Variants in ENOX2 observed in about 807,000 individuals in gnomAD.
ENOX2 encodes ecto-NOX disulfide-thiol exchanger 2, also known as APK1 antigen.
A neutral mutation model predicts 45.0 loss-of-function variants in ENOX2; 36 were observed. The ratio of observed to expected loss-of-function variants is 0.80; its 90% confidence interval spans 0.61 to 1.06. The LOEUF (loss-of-function observed/expected upper bound fraction) is 1.06. ENOX2 is among the 50% of genes least tolerant of loss of function. The pLI is 0.00. For missense variants in ENOX2, 423 were observed against 462.5 expected (o/e 0.91, Z 0.78); for synonymous variants, 174 against 152.3 (o/e 1.14, Z -1.05).
intron 2 of ENOX2, among the ~76,000 whole-genome samples, chrX:130,796,539 G>A (rs1314186579): frequency 8.9e-6 from 1 of 112,015 alleles, no homozygotes; most frequent in Non-Finnish European, 1.9e-5. Context: ...AAGTATAATT[G>A]TCTAAGAGGC....
intron 4 of ENOX2, among the ~76,000 whole-genome samples, chrX:130,699,742 G>A (rs1348019963): frequency 1.8e-5 from 2 of 111,768 alleles, no homozygotes; most frequent in Non-Finnish European, 3.8e-5. Context: ...ATCTCCACCA[G>A]ATTTATAAGG....
intron 4 of ENOX2, among the ~76,000 whole-genome samples, chrX:130,691,417 C>A (rs770735396): frequency 9.0e-6 from 1 of 111,490 alleles, no homozygotes; most frequent in East Asian, 2.8e-4. Context: ...TCCTATATGT[C>A]AGGCTCTATG....
At chrX:130,639,119 A>T (rs1485528950) in intron 10 of ENOX2, among the ~76,000 whole-genome samples, 1 of 112,372 alleles carries the variant, frequency 8.9e-6, no homozygotes, top group Non-Finnish European at 1.9e-5. Flanking sequence ...AAATCTCCTC[A>T]TGTTTCTGGC....
At chrX:130,794,161 G>A (rs968931141) in intron 2 of ENOX2, among the ~76,000 whole-genome samples, 8 of 112,086 alleles carry the variant, frequency 7.1e-5, no homozygotes, top group African/African-American at 2.6e-4. Flanking sequence ...TGAGTGACAG[G>A]AAAAGGGCAG....
intron 2 of ENOX2, among the ~76,000 whole-genome samples, chrX:130,899,989 C>T (rs181652243): frequency 8.9e-6 from 1 of 112,092 alleles, no homozygotes; most frequent in Admixed American, 9.4e-5. Context: ...CTCTTCGCTC[C>T]GCTCACGTCA....
chrX:130,657,117 TA>T (rs2036570410), intron 9 of ENOX2, among the ~76,000 whole-genome samples: 1 of 112,113 alleles, frequency 8.9e-6, no homozygotes, highest in African/African-American at 3.2e-5. Flanking sequence ...ACATAACTCT[TA>T]ATTGAGTTTT....
At chrX:130,884,196 C>T (rs781422633) in intron 2 of ENOX2, among the ~76,000 whole-genome samples, 11 of 112,109 alleles carry the variant, frequency 9.8e-5, no homozygotes, top group Non-Finnish European at 1.7e-4. Context: ...TCATATCATC[C>T]TCCTTTCTTT....
At chrX:130,883,615 T>A (rs1353417876) in intron 2 of ENOX2, among the ~76,000 whole-genome samples, 1 of 111,517 alleles carries the variant, frequency 9.0e-6, no homozygotes, top group Non-Finnish European at 1.9e-5. Flanking sequence ...ATGAATAAAT[T>A]TTCGAATTTG....
At chrX:130,643,185 A>T (rs772106825) in intron 10 of ENOX2, among the ~76,000 whole-genome samples, 60 of 111,855 alleles carry the variant, frequency 5.4e-4, no homozygotes, top group African/African-American at 1.9e-3. Flanking sequence ...ATGTGAAAAA[A>T]AGTATAAATG....
intron 2 of ENOX2, among the ~76,000 whole-genome samples, chrX:130,878,822 CCT>C (rs1314610482): frequency 1.2e-4 from 13 of 112,001 alleles, no homozygotes; most frequent in South Asian, 3.7e-4. Flanking sequence ...TTTACTATCC[CCT>C]GTCACTTGTA....
At chrX:130,745,300 T>A (rs1325653961) in intron 3 of ENOX2, among the ~76,000 whole-genome samples, 2 of 112,234 alleles carry the variant, frequency 1.8e-5, no homozygotes, top group Non-Finnish European at 3.8e-5. Context: ...AGTACCCTCC[T>A]CTTTTCTTTC....
chrX:130,727,379 C>T (rs369447976), intron 3 of ENOX2, among the ~76,000 whole-genome samples: 5 of 111,892 alleles, frequency 4.5e-5, no homozygotes, highest in Non-Finnish European at 7.5e-5. Flanking sequence ...ATATTACTAA[C>T]GCCAAATCCT....
At chrX:130,770,020 A>G (rs1332093115) in intron 3 of ENOX2, among the ~76,000 whole-genome samples, 1 of 112,130 alleles carries the variant, frequency 8.9e-6, no homozygotes, top group Non-Finnish European at 1.9e-5. Flanking sequence ...GTAATCAAAC[A>G]CTTTCAAGTG....
intron 3 of ENOX2, among the ~76,000 whole-genome samples, chrX:130,747,765 G>GCAATGTGTA (rs1042100777): frequency 3.6e-5 from 4 of 112,402 alleles, no homozygotes; most frequent in African/African-American, 9.7e-5. Context: ...AAGATTTGCA[G>GCAATGTGTA]CAATGTGTAC....
At chrX:130,874,396 T>C (rs1054331016) in intron 2 of ENOX2, among the ~76,000 whole-genome samples, 70 of 112,344 alleles carry the variant, frequency 6.2e-4, no homozygotes, top group Middle Eastern at 4.6e-3. Flanking sequence ...TAAGCCATCA[T>C]CACAGGGTTG....
chrX:130,878,530 G>A (rs148572145), intron 2 of ENOX2, among the ~76,000 whole-genome samples: 3,112 of 111,275 alleles, frequency 0.028, 65 homozygotes, highest in African/African-American at 0.07. Context: ...CAAAAGAGCC[G>A]TGAGTGCCAA....
chrX:130,691,707 T>C (rs1189125001), intron 4 of ENOX2, among the ~76,000 whole-genome samples: 6 of 112,647 alleles, frequency 5.3e-5, no homozygotes, highest in African/African-American at 1.9e-4. Flanking sequence ...AATGTTTGTC[T>C]TCCTTCTATT....
chrX:130,878,291 A>C (rs2078744916), intron 2 of ENOX2, among the ~76,000 whole-genome samples: 1 of 111,730 alleles, frequency 9.0e-6, no homozygotes, highest in Non-Finnish European at 1.9e-5. Flanking sequence ...ATTTGACAAA[A>C]CAATTATGTC....
chrX:130,682,662 C>T (rs1272613790), intron 5 of ENOX2, among the ~76,000 whole-genome samples: 1 of 96,506 alleles, frequency 1.0e-5, no homozygotes, highest in Non-Finnish European at 2.0e-5. Flanking sequence ...TGTGATTCTT[C>T]TGTGGTGACT....
Sources: gnomAD v4.1 joint callset for allele counts (sites outside exome capture counted in the v4.1 genomes callset) on GRCh38, gnomAD v4.1.1 for gene constraint, MANE v1.5 for transcripts, NCBI Gene and HGNC (gene_info 2026-07-23, HGNC 2026-07-21) for gene names.